The following ZNF365 variants were observed in gnomAD, a reference collection of about 807,000 sequenced individuals.
The protein encoded by ZNF365 is zinc finger protein 365.
ZNF365 carries 22 observed loss-of-function variants against 35.0 expected under a neutral mutation model. The ratio of observed to expected loss-of-function variants is 0.63; its 90% CI spans 0.45 to 0.90. The LOEUF is 0.90. Ranked by LOEUF, ZNF365 falls within the 40% of genes least tolerant of loss-of-function variation. The pLI is 0.00. For synonymous variants in ZNF365, 188 were observed against 196.2 expected, an observed-to-expected ratio of 0.96 and a Z score of 0.35; for missense variants, 448 against 500.3, an observed-to-expected ratio of 0.90 and a Z score of 1.00.
chr10:62,375,985 C>T (rs372762988), intron 1 of ZNF365, 196 bp from the exon 2 acceptor site: 46 of 566,816 alleles, frequency 8.1e-5, no homozygotes, highest in African/African-American at 2.6e-4. Flanking sequence ...GAAATTGATA[C>T]GGCAGCAGTA....
downstream of ZNF365, chr10:62,402,505 A>T (rs1316614295): frequency 1.0e-6 from 1 of 968,706 alleles, no homozygotes; most frequent in Non-Finnish European, 1.2e-6. Context: ...AAGTATGTTG[A>T]TCCACTAACA....
chr10:62,389,972 C>A (rs1839599376), intron 3 of ZNF365, among the ~76,000 whole-genome samples: 1 of 152,086 alleles, frequency 6.6e-6, no homozygotes, highest in Admixed American at 6.5e-5. Flanking sequence ...CCTTGGGAAA[C>A]CATGAGCGTG....
chr10:62,419,057 C>T (rs1840125387), intron 3 of ZNF365, among the ~76,000 whole-genome samples: 1 of 152,070 alleles, frequency 6.6e-6, no homozygotes, highest in Non-Finnish European at 1.5e-5. Flanking sequence ...ACATTGACTT[C>T]AAGTTTGCTT....
intron 4 of ZNF365, among the ~76,000 whole-genome samples, chr10:62,476,255 C>T (rs927970135): frequency 3.3e-5 from 5 of 152,124 alleles, no homozygotes; most frequent in East Asian, 1.9e-4. Flanking sequence ...ACTTGAGCTT[C>T]GCAGTGCTTT....
chr10:62,390,021 G>A (rs1839600630), intron 3 of ZNF365, among the ~76,000 whole-genome samples: 1 of 152,072 alleles, frequency 6.6e-6, no homozygotes, highest in Non-Finnish European at 1.5e-5. Flanking sequence ...GACTATCTGA[G>A]CCTCTTTCTG....
At chr10:62,440,828 C>A (rs1317506929) in intron 3 of ZNF365, among the ~76,000 whole-genome samples, 1 of 152,164 alleles carries the variant, frequency 6.6e-6, no homozygotes, top group Non-Finnish European at 1.5e-5. Flanking sequence ...ATTACTGCCT[C>A]AGTGCCTGGC....
At chr10:62,442,511 A>G (rs1840517781) in intron 3 of ZNF365, among the ~76,000 whole-genome samples, 1 of 152,154 alleles carries the variant, frequency 6.6e-6, no homozygotes, top group African/African-American at 2.4e-5. Context: ...TTACGTTACA[A>G]TTGCTGGTGC....
At chr10:62,461,083 G>T (rs35713824) in intron 4 of ZNF365, among the ~76,000 whole-genome samples, 5,687 of 152,256 alleles carry the variant, frequency 0.037, 171 homozygotes, top group East Asian at 0.19. Flanking sequence ...ACCCCAGAGA[G>T]AGACCCAAGC....
intron 4 of ZNF365, among the ~76,000 whole-genome samples, chr10:62,477,211 G>T (rs1168137916): frequency 2.0e-5 from 3 of 152,130 alleles, no homozygotes; most frequent in Non-Finnish European, 4.4e-5. Context: ...GAATGTGGCT[G>T]GGGTAGGTTT....
chr10:62,388,371 G>T, intron 2 of ZNF365, 25 bp from the exon 3 acceptor site: 1 of 1,613,698 alleles, frequency 6.2e-7, no homozygotes, highest in Non-Finnish European at 8.5e-7. Flanking sequence ...TTTCCCTTTT[G>T]TGTTCTGACA....
At chr10:62,377,564 G>T (rs1315864883) in intron 2 of ZNF365, among the ~76,000 whole-genome samples, 2 of 127,308 alleles carry the variant, frequency 1.6e-5, no homozygotes, top group African/African-American at 3.4e-5. Flanking sequence ...TTTGGCAAAT[G>T]ATGTATTTTT....
At chr10:62,405,700 C>T (rs1215229070), downstream of ZNF365, among the ~76,000 whole-genome samples, 3 of 152,174 alleles carry the variant, frequency 2.0e-5, no homozygotes, top group African/African-American at 4.8e-5. Flanking sequence ...CAAGGAATTT[C>T]GAAGTCTCAG....
At chr10:62,392,912 G>T (rs1375209687) in intron 3 of ZNF365, among the ~76,000 whole-genome samples, 1 of 152,224 alleles carries the variant, frequency 6.6e-6, no homozygotes, top group East Asian at 1.9e-4. Context: ...GATTACAGGC[G>T]TGAGCCACCG....
intron 3 of ZNF365, among the ~76,000 whole-genome samples, chr10:62,454,717 T>A (rs954627507): frequency 2.0e-5 from 3 of 152,170 alleles, no homozygotes; most frequent in Non-Finnish European, 4.4e-5. Flanking sequence ...AATTTCTTCC[T>A]GAATCCGTGC....
At chr10:62,379,786 T>G (rs1278703789) in intron 2 of ZNF365, among the ~76,000 whole-genome samples, 2 of 152,206 alleles carry the variant, frequency 1.3e-5, no homozygotes, top group Non-Finnish European at 2.9e-5. Context: ...GAGCTGTTGC[T>G]TCCACCAAAG....
chr10:62,477,680 C>A (rs895397431), intron 4 of ZNF365, among the ~76,000 whole-genome samples: 7 of 152,176 alleles, frequency 4.6e-5, no homozygotes, highest in Non-Finnish European at 1.0e-4. Context: ...ATGCCCATTA[C>A]AGGTCAGCTG....
At chr10:62,398,053 C>T (rs1184906766) in intron 3 of ZNF365, among the ~76,000 whole-genome samples, 1 of 152,166 alleles carries the variant, frequency 6.6e-6, no homozygotes, top group East Asian at 1.9e-4. Flanking sequence ...CCTTGAATAA[C>T]TAAAAGTAGA....
At chr10:62,438,603 TACAGAATA>T (rs1304469335) in intron 3 of ZNF365, among the ~76,000 whole-genome samples, 2 of 152,304 alleles carry the variant, frequency 1.3e-5, no homozygotes, top group East Asian at 3.9e-4. Flanking sequence ...GAAGGGCAGA[TACAGAATA>T]ACTGGCATTA....
chr10:62,439,773 T>C (rs1840465705), intron 3 of ZNF365, among the ~76,000 whole-genome samples: 1 of 152,234 alleles, frequency 6.6e-6, no homozygotes, highest in African/African-American at 2.4e-5. Flanking sequence ...TATTACTTAA[T>C]TTAATGTCTT....
Sources: gnomAD v4.1 joint callset for allele counts (sites outside exome capture counted in the v4.1 genomes callset) on GRCh38, gnomAD v4.1.1 for gene constraint, MANE v1.5 for transcripts, NCBI Gene and HGNC (gene_info 2026-07-23, HGNC 2026-07-21) for gene names.